TNRC6B: variants seen among roughly 807,000 people sequenced by gnomAD.
TNRC6B encodes the protein trinucleotide repeat-containing gene 6B protein.
In TNRC6B, 52 loss-of-function variants were observed where a neutral mutation model predicts 203.6. The observed-to-expected ratio is 0.26, with a 90% CI of 0.20 to 0.32. TNRC6B has a LOEUF of 0.32. Among genes scored for constraint, TNRC6B ranks in the 10% least tolerant of loss-of-function variants. The pLI is 1.00. For missense variants in TNRC6B, 1,923 were observed against 2,286.2 expected (o/e 0.84, Z 3.24); for synonymous variants, 838 against 845.7 (o/e 0.99, Z 0.16).
intron 3 of TNRC6B, among the ~76,000 whole-genome samples, chr22:40,140,789 T>C (rs1482193290): frequency 6.6e-6 from 1 of 151,996 alleles, no homozygotes; most frequent in African/African-American, 2.4e-5. Flanking sequence ...TACAGGTGCA[T>C]GCCACCATGC....
chr22:40,189,167 AG>A (rs1216924080), intron 1 of TNRC6B, among the ~76,000 whole-genome samples: 35 of 152,206 alleles, frequency 2.3e-4, no homozygotes, highest in Admixed American at 2.3e-3. Flanking sequence ...TTCCCCGTCC[AG>A]GGTATCTCAT....
In TNRC6B at chr22:40,261,716, A is replaced by G. The variant is rs554995119; in HGVS notation, c.116-116A>G. 10 of 932,322 alleles carry G rather than the reference A, an allele frequency of 1.1e-5. No homozygotes were observed. The South Asian group carries it at 1.1e-4, about 11-fold the overall frequency. The allele number at this position is 932,322 out of a possible 1,614,324, so 57.8% of individuals were successfully genotyped here. A position where few individuals can be genotyped will look rare whatever the true frequency, so the allele number is the denominator to read the frequency against. ...CCTTGAGCCCGAGTTCAAGACCAGC[A>G]TGGGCAACATGGCAAGACCCCATCT... On this transcript the variant is annotated intron_variant, in intron 3 of 22. Transcript: ENST00000454349.
At chr22:40,052,977 T>A (rs2067762621) in intron 1 of TNRC6B, among the ~76,000 whole-genome samples, 1 of 152,210 alleles carries the variant, frequency 6.6e-6, no homozygotes, top group African/African-American at 2.4e-5. Context: ...AGTACAGAGA[T>A]CATGAATTAC....
chr22:40,314,019 A>G (rs1206086018), intron 19 of TNRC6B, among the ~76,000 whole-genome samples: 1 of 151,660 alleles, frequency 6.6e-6, no homozygotes, highest in African/African-American at 2.4e-5. Flanking sequence ...CTTTTGTAGG[A>G]TTTCTTTTAC....
chr22:40,292,726 C>G (rs890928011), intron 12 of TNRC6B, among the ~76,000 whole-genome samples: 1 of 152,158 alleles, frequency 6.6e-6, no homozygotes, highest in Admixed American at 6.5e-5. Flanking sequence ...TTTCCCTGGT[C>G]CTTCTGTATT....
chr22:40,315,616 G>A (rs17332320), intron 20 of TNRC6B, 109 bp downstream of exon 20: 2 of 1,251,766 alleles, frequency 1.6e-6, no homozygotes, highest in Non-Finnish European at 2.2e-6. Context: ...AGTCATGGTT[G>A]TCTGCTTTTT....
intron 3 of TNRC6B, among the ~76,000 whole-genome samples, chr22:40,153,205 A>G (rs573266886): frequency 6.6e-6 from 1 of 152,240 alleles, no homozygotes; most frequent in Non-Finnish European, 1.5e-5. Context: ...CACCTTCTAT[A>G]TACCTTTTAT....
In TNRC6B at chr22:40,200,054, C is replaced by G. The variant is rs573227882; in HGVS notation, c.5+21914C>G. On this transcript the variant is annotated intron_variant, in intron 1 of 22. Transcript: ENST00000454349. ...CTTCAAGTGATCCGCCCGACTCGGC[C>G]TCTCAAAGTGCTGGGTTTACAGGTG... is the stretch of plus-strand genomic sequence containing the variant. Among the ~76,000 whole-genome samples, 192 of 151,988 alleles carry G rather than the reference C, an allele frequency of 1.3e-3. 2 individuals are homozygous for G. The highest frequency in any genetic ancestry group is 2.3e-3 in the Non-Finnish European group (155 of 67,938).
intron 4 of TNRC6B, among the ~76,000 whole-genome samples, chr22:40,163,104 G>C (rs2068884251): frequency 6.6e-6 from 1 of 151,994 alleles, no homozygotes; most frequent in Non-Finnish European, 1.5e-5. Context: ...CCTGGACCAT[G>C]GATTAATTAC....
In TNRC6B at chr22:40,264,766, C is replaced by T; in HGVS notation, c.536C>T (p.Thr179Ile). The change falls in exon 5 of 23, where the codon ACC (threonine) becomes ATC (isoleucine). Residue 179 changes from threonine (T) to isoleucine (I), a missense_variant. Coordinates refer to ENST00000454349, the MANE Select transcript of TNRC6B (RefSeq NM_001162501.2). ...TCGGGAGCCTCCTCCAACAACGGCA[C>T]CTCCCCCAACCCAATTCACATCTGG... ...WGSGASSNNG[T>I]SPNPIHIWDK... The T allele has an allele frequency of 1.9e-6, 3 of 1,612,350 alleles. No individual in the cohort carries two copies. The highest frequency in any genetic ancestry group is 2.5e-6 in the Non-Finnish European group (3 of 1,179,150).
chr22:40,325,424 A>G lies in TNRC6B; in HGVS notation c.*2183A>G, dbSNP rs2071389228. 1 of 152,636 alleles carries G rather than the reference A, an allele frequency of 6.6e-6. No individual in the cohort carries two copies. The highest frequency in any genetic ancestry group is 2.4e-5 in the African/African-American group (1 of 41,454). The allele number at this position is 152,636 out of a possible 1,614,324, so 9.5% of individuals were successfully genotyped here. A position where few individuals can be genotyped will look rare whatever the true frequency, so the allele number is the denominator to read the frequency against. On this transcript the variant is annotated 3_prime_UTR_variant, in exon 23 of 23. Coordinates refer to ENST00000454349, the MANE Select transcript of TNRC6B (RefSeq NM_001162501.2). Reference sequence around the variant, plus strand: ...CCTGTTGATTATAAACCTAGCCTCAAAAGAGATTGACAGGCATGACTCAAG... The same window carrying G: ...CCTGTTGATTATAAACCTAGCCTCAGAAGAGATTGACAGGCATGACTCAAG...
intron 1 of TNRC6B, among the ~76,000 whole-genome samples, chr22:40,209,902 C>T (rs2069537170): frequency 6.6e-6 from 1 of 152,000 alleles, no homozygotes; most frequent in Non-Finnish European, 1.5e-5. Flanking sequence ...GCCTGTAATC[C>T]CAGCTACTCT....
At chr22:40,125,075 A>C (rs757514512) in intron 2 of TNRC6B, among the ~76,000 whole-genome samples, 1 of 152,108 alleles carries the variant, frequency 6.6e-6, no homozygotes, top group Non-Finnish European at 1.5e-5. Context: ...ATGTTGCATA[A>C]ATTTTTAGTA....
intron 3 of TNRC6B, among the ~76,000 whole-genome samples, chr22:40,252,980 C>G (rs1031948436): frequency 8.5e-5 from 13 of 152,116 alleles, no homozygotes; most frequent in African/African-American, 3.1e-4. Context: ...TAGGCCTGGC[C>G]ACAAGACTGA....
chr22:40,331,952 G>C lies in TNRC6B; in HGVS notation c.*8711G>C. 3.8e-6 allele frequency: 1 copy of C among 264,252 alleles called. No homozygotes were observed. The highest frequency in any genetic ancestry group is 7.1e-6 in the Non-Finnish European group (1 of 140,186). The allele number at this position is 264,252 out of a possible 1,614,324, so 16.4% of individuals were successfully genotyped here. A position where few individuals can be genotyped will look rare whatever the true frequency, so the allele number is the denominator to read the frequency against. Reference sequence around the variant, plus strand: ...CTGATGGCCAGGTAAATTCCAGGGGGCCTGCAGTTCCTGTCAACCAATGTG... The same window carrying C: ...CTGATGGCCAGGTAAATTCCAGGGGCCCTGCAGTTCCTGTCAACCAATGTG... On this transcript the variant is annotated 3_prime_UTR_variant, in exon 23 of 23. Coordinates refer to ENST00000454349, the MANE Select transcript of TNRC6B (RefSeq NM_001162501.2).
chr22:40,065,602 T>C (rs1468247392), intron 1 of TNRC6B, among the ~76,000 whole-genome samples: 1 of 152,186 alleles, frequency 6.6e-6, no homozygotes, highest in Non-Finnish European at 1.5e-5. Context: ...AGTTCATGTC[T>C]GGTGATTTTT....
chr22:40,116,732 G>C (rs1294416027), intron 1 of TNRC6B, among the ~76,000 whole-genome samples: 2 of 152,202 alleles, frequency 1.3e-5, no homozygotes, highest in African/African-American at 4.8e-5. Flanking sequence ...CTAAACACCT[G>C]GGTAGGGGGT....
intron 6 of TNRC6B, among the ~76,000 whole-genome samples, chr22:40,270,607 C>T (rs1569047810): frequency 6.6e-6 from 1 of 152,048 alleles, no homozygotes; most frequent in African/African-American, 2.4e-5. Flanking sequence ...CGTGAGCCAC[C>T]GTGCCCGGCC....
chr22:40,301,442 G>C (rs939079214), intron 15 of TNRC6B, 109 bp downstream of exon 15: 87 of 1,188,278 alleles, frequency 7.3e-5, no homozygotes, highest in Non-Finnish European at 9.8e-5. Flanking sequence ...GTACAAGGTA[G>C]GTAAATATTC....
Sources: gnomAD v4.1 joint callset for allele counts (sites outside exome capture counted in the v4.1 genomes callset) on GRCh38, gnomAD v4.1.1 for gene constraint, MANE v1.5 for transcripts, NCBI Gene and HGNC (gene_info 2026-07-23, HGNC 2026-07-21) for gene names.